Variants in ACE observed in about 807,000 individuals in gnomAD.
The protein encoded by ACE is angiotensin I converting enzyme, also known as angiotensin-converting enzyme.
A neutral mutation model predicts 162.3 loss-of-function variants in ACE; 122 were observed. The ratio of observed to expected loss-of-function variants is 0.75; its 90% CI spans 0.65 to 0.87. The LOEUF (loss-of-function observed/expected upper bound fraction) is 0.87, where lower values mean the gene tolerates loss of function less well. Among genes scored for constraint, ACE ranks in the 40% least tolerant of loss-of-function variants. ACE has a pLI of 0.00. For missense variants in ACE, 1,799 were observed against 1,735.1 expected (o/e 1.04, Z -0.65); for synonymous variants, 796 against 720.6 (o/e 1.10, Z -1.68).
chr17:63,478,251 T>A (rs1225392841), intron 2 of ACE, 153 bp downstream of exon 2: 1 of 992,612 alleles, frequency 1.0e-6, no homozygotes, highest in Non-Finnish European at 1.4e-6. Flanking sequence ...AATGGCTTTC[T>A]GAGCATTGAT....
intron 19 of ACE, among the ~76,000 whole-genome samples, chr17:63,492,538 G>A (rs148469707): frequency 1.3e-5 from 2 of 152,350 alleles, no homozygotes; most frequent in African/African-American, 4.8e-5. Flanking sequence ...GAGAGCCCTT[G>A]TGGGGTCTTC....
chr17:63,480,741 G>A (rs1390872140), intron 5 of ACE, among the ~76,000 whole-genome samples: 1 of 152,230 alleles, frequency 6.6e-6, no homozygotes, highest in Non-Finnish European at 1.5e-5. Flanking sequence ...GGACTTAGTG[G>A]TCAGAGAGCT....
chr17:63,477,499 C>A (rs2049637584), intron 1 of ACE, 156 bp downstream of exon 1: 2 of 461,598 alleles, frequency 4.3e-6, no homozygotes, highest in African/African-American at 2.1e-5. Context: ...GCCCGAGCGC[C>A]GGGCTGCGCG....
In ACE at chr17:63,482,981, CT is replaced by C. The variant is rs760423492; in HGVS notation, c.1343-46del. On this transcript the variant is annotated intron_variant, in intron 8 of 24. Coordinates refer to ENST00000290866, the MANE Select transcript of ACE (RefSeq NM_000789.4). The stretch of plus-strand genomic sequence containing the variant: ...CCAGCCCACACTCTTAGGGGACCCT[CT>C]TCTCCCTCTGACCTCTTCCCTCTCC... 6 of 1,595,472 alleles carry C rather than the reference CT, an allele frequency of 3.8e-6. No individual in the cohort carries two copies. In the Admixed American group the frequency reaches 8.3e-5, roughly 22 times the overall value.
At chr17:63,485,935 A>G (rs1168103494) in intron 13 of ACE, among the ~76,000 whole-genome samples, 4 of 152,182 alleles carry the variant, frequency 2.6e-5, no homozygotes, top group Admixed American at 2.0e-4. Flanking sequence ...GCAAGATCCC[A>G]TCTCTATTCA....
chr17:63,495,735 G>A lies in ACE; in HGVS notation c.3381-659G>A, dbSNP rs371540017. ...CAGACAATTCTCCAAACAGGGGTGG[G>A]CAAAGGAGACTTGGCTGCTCTAGAA... On this transcript the variant is annotated intron_variant, in intron 22 of 24. Transcript: ENST00000290866. Among the ~76,000 whole-genome samples, 454 of 152,342 alleles carry A rather than the reference G, an allele frequency of 3.0e-3. 6 individuals are homozygous for A. Among genetic ancestry groups the A allele is most frequent in the African/African-American group, 0.01 (429 of 41,572 alleles).
rs767149889 is a variant in ACE, at chr17:63,477,956, A to T, written c.275A>T (p.Glu92Val). The change falls in exon 2 of 25, where the codon GAG becomes GTG. Residue 92 changes from glutamate (E) to valine (V), a missense_variant. Transcript: ENST00000290866. Reference protein sequence around the residue: ...RQEEAALLSQEFAEAWGQKAK... With the variant: ...RQEEAALLSQVFAEAWGQKAK... ...GAGGAAGCAGCCCTGCTCAGCCAGG[A>T]GTTTGCGGAGGCCTGGGGCCAGAAG... 3.7e-6 allele frequency: 6 copies of T among 1,611,988 alleles called. No homozygotes were observed. Among genetic ancestry groups the T allele is most frequent in the Non-Finnish European group, 5.1e-6 (6 of 1,179,380 alleles).
intron 9 of ACE, 110 bp downstream of exon 9, chr17:63,483,283 CCCCCGCTGTGA>C: frequency 6.3e-7 from 1 of 1,576,912 alleles, no homozygotes; most frequent in South Asian, 1.1e-5. Flanking sequence ...CTAATGATGT[CCCCCGCTGTGA>C]CCCACCGCCT....
rs369111551 is a variant in ACE at position 63,489,057 on chromosome 17, G to A, written c.2566G>A (p.Val856Met). Residue 856 changes from valine (V) to methionine (M), a missense_variant, in exon 17 of 25, where the codon GTG becomes ATG. By Grantham distance (21) the Val-to-Met change is conservative. Coordinates refer to ENST00000290866, the MANE Select transcript of ACE (RefSeq NM_000789.4). ...ACTCTACCTCAACCTGCATGCCTAC[G>A]TGCGCCGGGCCCTGCACCGTCACTA... ...QPLYLNLHAY[V>M]RRALHRHYGA... The A allele has an allele frequency of 1.5e-5, 25 of 1,613,910 alleles. No individual in the cohort carries two copies. The African/African-American group carries it at 1.6e-4, about 10-fold the overall frequency.
In ACE at chr17:63,484,568, G is replaced by T. The variant is rs755107714; in HGVS notation, c.1921+27G>T. On this transcript the variant is annotated intron_variant, in intron 12 of 24. Transcript: ENST00000290866. The surrounding 1 kb of genome is among the most constrained non-coding windows in gnomAD (Gnocchi z 4.0). ...TAAAGCCCTGAGTGAGGATGGTGTG[G>T]GGCTAAGGTGGGTCCTCAACTCTGG... 3 of 1,593,884 alleles carry T rather than the reference G, an allele frequency of 1.9e-6. No homozygotes were observed. The East Asian group carries it at 6.8e-5, about 36-fold the overall frequency.
rs193261194 is a variant in ACE, at chr17:63,485,626, A to C, written c.2058+254A>C. 1.7e-3 allele frequency: 759 copies of C among 452,190 alleles called. 9 individuals are homozygous for C. The highest frequency in any genetic ancestry group is 0.014 in the African/African-American group (699 of 50,236). The allele number at this position is 452,190 out of a possible 1,614,324, so 28.0% of individuals were successfully genotyped here. A position where few individuals can be genotyped will look rare whatever the true frequency, so the allele number is the denominator to read the frequency against. On this transcript the variant is annotated intron_variant, in intron 13 of 24. Transcript: ENST00000290866. ...CCCCATCTCTAGTAAAAATACAAAAATTAGCCGGGTGTGGTGGCGAGCACC... is the reference window on the plus strand; with the variant it reads ...CCCCATCTCTAGTAAAAATACAAAACTTAGCCGGGTGTGGTGGCGAGCACC...
chr17:63,488,913 G>A (rs371214948), intron 16 of ACE, 28 bp from the exon 17 acceptor site: 74 of 1,613,786 alleles, frequency 4.6e-5, no homozygotes, highest in East Asian at 2.2e-4. Flanking sequence ...TGTGGTGTTG[G>A]GAGAGCCTGG....
At chr17:63,481,437 T>C (rs1404830067) in intron 6 of ACE, 129 bp from the exon 7 acceptor site, 11 of 1,078,822 alleles carry the variant, frequency 1.0e-5, no homozygotes, top group African/African-American at 1.6e-5. Flanking sequence ...GCCCTGCCTC[T>C]GGGAATGGTG....
chr17:63,490,527 A>C, intron 17 of ACE: 1 of 251,238 alleles, frequency 4.0e-6, no homozygotes, highest in Non-Finnish European at 7.9e-6. Flanking sequence ...TGTTTCCTTT[A>C]CTAGCCAATG....
Position 63,493,931 on chromosome 17 carries a change from T to A in ACE, c.3146T>A (p.Ile1049Asn). ...CTCCCTTCCCTTGCAGAGCATGACA[T>A]CAACTTTCTGATGAAGATGGCCCTT... The part of the protein sequence containing the change: ...SSEGGSDEHD[I>N]NFLMKMALDK... The change falls in exon 21 of 25, where the codon ATC becomes AAC. Residue 1049 changes from isoleucine (I) to asparagine (N), a missense_variant. Ile to Asn is a moderately radical substitution (Grantham distance 149). Coordinates refer to ENST00000290866, the MANE Select transcript of ACE (RefSeq NM_000789.4). The A allele has an allele frequency of 6.2e-7, 1 of 1,614,090 alleles. No individual in the cohort carries two copies. Among genetic ancestry groups the A allele is most frequent in the Non-Finnish European group, 8.5e-7 (1 of 1,180,020 alleles).
chr17:63,485,508 C>T (rs943539876), intron 13 of ACE, 136 bp downstream of exon 13: 17 of 1,264,680 alleles, frequency 1.3e-5, no homozygotes, highest in African/African-American at 1.1e-4. Flanking sequence ...GGGCCGGGCG[C>T]GGTGGCTCAC....
intron 4 of ACE, 108 bp from the exon 5 acceptor site, chr17:63,480,229 T>G (rs1196222932): frequency 8.1e-7 from 1 of 1,235,764 alleles, no homozygotes; most frequent in East Asian, 2.5e-5. Flanking sequence ...ATTTTCCAGC[T>G]AGCTGCAGAT....
rs2030568933 is a variant in ACE at position 63,494,037 on chromosome 17, G to C, written c.3252G>C (p.Glu1084Asp). ...TATTTGATGGAAGCATCACCAAGGAGAACTATAACCAGGAGTGGTGGAGCC... is the reference window on the plus strand; with the variant it reads ...TATTTGATGGAAGCATCACCAAGGACAACTATAACCAGGAGTGGTGGAGCC... ...WRVFDGSITK[E>D]NYNQEWWSLR... The change falls in exon 21 of 25, where the codon GAG (glutamate) becomes GAC (aspartate). Residue 1084 changes from glutamate to aspartate, a missense_variant. Physicochemically the swap from Glu to Asp is conservative, Grantham distance 45. Coordinates refer to ENST00000290866, the MANE Select transcript of ACE (RefSeq NM_000789.4). The C allele has an allele frequency of 1.9e-6, 3 of 1,614,140 alleles. No homozygotes were observed. Among genetic ancestry groups the C allele is most frequent in the Non-Finnish European group, 2.5e-6 (3 of 1,180,046 alleles).
In ACE at chr17:63,478,805, C is replaced by G. The variant is rs113571237; in HGVS notation, c.418-202C>G. 6.6e-5 allele frequency: 42 copies of G among 634,488 alleles called. 1 individual carries two copies. Among genetic ancestry groups the G allele is most frequent in the Middle Eastern group, 8.2e-4 (2 of 2,430 alleles). The allele number at this position is 634,488 out of a possible 1,614,324, so 39.3% of individuals were successfully genotyped here. ...ACTTTCAGGACTCCTGTCCCCCACT[C>G]CACAGGCTGCCTCCACTGGCAGGGG... On this transcript the variant is annotated intron_variant, in intron 2 of 24. Transcript: ENST00000290866.
Sources: gnomAD v4.1 joint callset for allele counts (sites outside exome capture counted in the v4.1 genomes callset) on GRCh38, gnomAD v4.1.1 for gene constraint, Gnocchi (gnomAD v3.1) non-coding constraint, MANE v1.5 for transcripts, NCBI Gene and HGNC (gene_info 2026-07-23, HGNC 2026-07-21) for gene names.